The following LRBA variants were observed in gnomAD, a reference collection of about 807,000 sequenced individuals.
LRBA encodes the protein LPS responsive beige-like anchor protein.
A neutral mutation model predicts 330.0 loss-of-function variants in LRBA; 176 were observed. That is an observed-to-expected ratio of 0.53 (90% confidence interval 0.47 to 0.60). LRBA has a LOEUF of 0.60. Among genes scored for constraint, LRBA ranks in the 20% least tolerant of loss-of-function variants. The pLI, the probability that LRBA is intolerant of heterozygous loss-of-function variation, is 0.00. For synonymous variants in LRBA, 1,230 were observed against 1,193.0 expected (o/e 1.03, Z -0.64); for missense variants, 3,259 against 3,444.8 (o/e 0.95, Z 1.35).
intron 2 of LRBA, among the ~76,000 whole-genome samples, chr4:150,998,182 T>C (rs1239927394): frequency 2.6e-5 from 4 of 151,214 alleles, no homozygotes; most frequent in Admixed American, 2.0e-4. Flanking sequence ...AGAAACCCCG[T>C]CTCTACTAAA....
At chr4:150,963,554 G>A (rs951811197) in intron 2 of LRBA, among the ~76,000 whole-genome samples, 5 of 149,476 alleles carry the variant, frequency 3.3e-5, no homozygotes, top group East Asian at 1.9e-4. Flanking sequence ...CCTCCCAGCC[G>A]CCTGCCTTGG....
intron 47 of LRBA, among the ~76,000 whole-genome samples, chr4:150,360,741 C>T (rs1167249954): frequency 2.0e-5 from 3 of 152,158 alleles, no homozygotes; most frequent in Non-Finnish European, 4.4e-5. Flanking sequence ...ATTCTCAGTG[C>T]CGTGAAGAAT....
In LRBA at chr4:150,669,747, G is replaced by A. The variant is rs187645746; in HGVS notation, c.5921+13804C>T. On this transcript the variant is annotated intron_variant, in intron 37 of 56. Coordinates refer to ENST00000651943, the MANE Select transcript of LRBA (RefSeq NM_001364905.1). ...CGCCCAGATAATTGTTGTATTTTTA[G>A]TAGATACAGGGTTTCACCAAGTTGG... Among the ~76,000 whole-genome samples, 18 of 152,030 alleles carry A rather than the reference G, an allele frequency of 1.2e-4. No individual in the cohort carries two copies. The East Asian group carries it at 1.4e-3, about 11-fold the overall frequency.
rs894758847 is a variant in LRBA at position 150,303,360 on chromosome 4, C to A, written c.7850-568G>T. On this transcript the variant is annotated intron_variant, in intron 52 of 56. Coordinates refer to ENST00000651943, the MANE Select transcript of LRBA (RefSeq NM_001364905.1). ...TTATATGGAAATTATGATGAAAGAA[C>A]TAATATATTGTGATTGCAATTTGAG... Among the ~76,000 whole-genome samples the A allele has an allele frequency of 5.3e-5, 8 of 152,216 alleles. No individual in the cohort carries two copies. The Middle Eastern group carries it at 0.01, about 194-fold the overall frequency.
At chr4:150,389,114 A>G (rs181496516) in intron 47 of LRBA, among the ~76,000 whole-genome samples, 226 of 152,320 alleles carry the variant, frequency 1.5e-3, no homozygotes, top group African/African-American at 5.3e-3. Flanking sequence ...TCTTTGTAAA[A>G]GATCCAAAAG....
chr4:151,010,680 A>C (rs1192878796), intron 2 of LRBA, among the ~76,000 whole-genome samples: 2 of 151,982 alleles, frequency 1.3e-5, no homozygotes, highest in Non-Finnish European at 1.5e-5. Flanking sequence ...TCGGGAGTTC[A>C]AGACCAGCCT....
At position 150,905,931 on chromosome 4, in the gene LRBA, A is replaced by T; in HGVS notation, c.1662T>A (p.Tyr554Ter). The T allele has an allele frequency of 6.2e-7, 1 of 1,613,764 alleles. No individual in the cohort carries two copies. Among genetic ancestry groups the T allele is most frequent in the Non-Finnish European group, 8.5e-7 (1 of 1,179,736 alleles). The change falls in exon 13 of 57, where the codon TAT becomes TAA. Residue 554 changes from tyrosine to a stop codon, truncating the protein, a stop_gained. Transcript: ENST00000651943. LOFTEE classifies it high-confidence loss of function. ...VLELCLAFSK[Y>*]LSNLQNGMPL... ...GCATCCCATTCTGCAGATTACTCAGATATTTTGAAAATGCAAGGCAAAGTT... is the reference window on the plus strand; with the variant it reads ...GCATCCCATTCTGCAGATTACTCAGTTATTTTGAAAATGCAAGGCAAAGTT...
chr4:150,667,103 T>C (rs1428000932), intron 37 of LRBA, among the ~76,000 whole-genome samples: 1 of 152,194 alleles, frequency 6.6e-6, no homozygotes, highest in Non-Finnish European at 1.5e-5. Flanking sequence ...TCTTAATCAC[T>C]ATACCATACA....
chr4:150,658,016 A>G (rs1332103359), intron 37 of LRBA, among the ~76,000 whole-genome samples: 1 of 152,124 alleles, frequency 6.6e-6, no homozygotes, highest in East Asian at 1.9e-4. Context: ...CCACTTGCCT[A>G]GTGTGTAATT....
intron 52 of LRBA, among the ~76,000 whole-genome samples, chr4:150,307,278 A>G (rs1560991529): frequency 6.6e-6 from 1 of 152,004 alleles, no homozygotes; most frequent in Non-Finnish European, 1.5e-5. Context: ...GGTGGGGTAA[A>G]AAGTTGACTT....
rs959531130 is a variant in LRBA at position 150,321,958 on chromosome 4, A to C, written c.7453-590T>G. Among the ~76,000 whole-genome samples, 5 of 152,332 alleles carry C rather than the reference A, an allele frequency of 3.3e-5. No individual in the cohort carries two copies. The highest frequency in any genetic ancestry group is 1.9e-4 in the East Asian group (1 of 5,188). On this transcript the variant is annotated intron_variant, in intron 49 of 56. Transcript: ENST00000651943. This position sits in a 1 kb window ranked among gnomAD's most constrained non-coding sequence, Gnocchi z 4.5. ...AGTAGAGAAATAACTTATGAACGTAATATACAAACTTAATTATAAAGGTGT... is the reference window on the plus strand; with the variant it reads ...AGTAGAGAAATAACTTATGAACGTACTATACAAACTTAATTATAAAGGTGT...
chr4:150,917,321 A>G (rs1011560339), intron 5 of LRBA, among the ~76,000 whole-genome samples: 2 of 152,132 alleles, frequency 1.3e-5, no homozygotes, highest in Non-Finnish European at 2.9e-5. Context: ...TGTATTCTTC[A>G]TTTCTTAAAA....
At chr4:150,859,255 C>A (rs1751603468) in intron 22 of LRBA, among the ~76,000 whole-genome samples, 1 of 152,042 alleles carries the variant, frequency 6.6e-6, no homozygotes, top group South Asian at 2.1e-4. Flanking sequence ...AAGTCATAAA[C>A]CCATTCTAAC....
At chr4:150,827,078 C>T (rs966155920) in intron 30 of LRBA, among the ~76,000 whole-genome samples, 3 of 152,088 alleles carry the variant, frequency 2.0e-5, no homozygotes, top group Non-Finnish European at 4.4e-5. Context: ...CAAGAACTAA[C>T]AGATACCACA....
At chr4:150,382,663 T>A (rs1044058125) in intron 47 of LRBA, among the ~76,000 whole-genome samples, 1 of 151,770 alleles carries the variant, frequency 6.6e-6, no homozygotes, top group African/African-American at 2.4e-5. Context: ...AAAAGTTAGT[T>A]TGCAAATATT....
intron 33 of LRBA, among the ~76,000 whole-genome samples, chr4:150,801,177 G>T (rs970342618): frequency 1.3e-5 from 2 of 151,972 alleles, no homozygotes; most frequent in African/African-American, 4.8e-5. Context: ...AGAATTTAAG[G>T]ATAATAAACT....
At chr4:150,904,360 C>T (rs568286730) in intron 13 of LRBA, among the ~76,000 whole-genome samples, 1 of 152,188 alleles carries the variant, frequency 6.6e-6, no homozygotes, top group African/African-American at 2.4e-5. Context: ...AAAATAAAAG[C>T]AGATAAAACC....
intron 29 of LRBA, among the ~76,000 whole-genome samples, chr4:150,831,393 T>C (rs1747166420): frequency 6.6e-6 from 1 of 152,130 alleles, no homozygotes; most frequent in African/African-American, 2.4e-5. Flanking sequence ...GAATAATAAA[T>C]TGCCTCCTTT....
At chr4:150,446,183 G>A (rs1378452049) in intron 44 of LRBA, among the ~76,000 whole-genome samples, 1 of 152,098 alleles carries the variant, frequency 6.6e-6, no homozygotes, top group Admixed American at 6.6e-5. Flanking sequence ...GGGGAAAATC[G>A]ATGAAGGGAG....
Sources: gnomAD v4.1 joint callset for allele counts (sites outside exome capture counted in the v4.1 genomes callset) on GRCh38, gnomAD v4.1.1 for gene constraint, Gnocchi (gnomAD v3.1) non-coding constraint, MANE v1.5 for transcripts, NCBI Gene and HGNC (gene_info 2026-07-23, HGNC 2026-07-21) for gene names.